KIF26B: variants seen among roughly 807,000 people sequenced by gnomAD.
The protein encoded by KIF26B is kinesin-like protein KIF26B.
In KIF26B, 63 loss-of-function variants were observed where a neutral mutation model predicts 151.2. The ratio of observed to expected loss-of-function variants is 0.42; its 90% CI spans 0.34 to 0.51. The LOEUF (loss-of-function observed/expected upper bound fraction) is 0.51, where lower values mean the gene tolerates loss of function less well. Ranked by LOEUF, KIF26B falls within the 20% of genes least tolerant of loss-of-function variation. KIF26B has a pLI of 0.07. For missense variants in KIF26B, 2,813 were observed against 2,913.6 expected (o/e 0.97, Z 0.79); for synonymous variants, 1,357 against 1,262.1 (o/e 1.08, Z -1.59).
intron 4 of KIF26B, among the ~76,000 whole-genome samples, chr1:245,498,804 G>A (rs954834657): frequency 3.9e-4 from 59 of 152,164 alleles, no homozygotes; most frequent in Non-Finnish European, 7.2e-4. Context: ...AGGTACTGGG[G>A]AAAAGAGGAG....
chr1:245,659,031 A>G (rs763797047), intron 10 of KIF26B, among the ~76,000 whole-genome samples: 22 of 152,004 alleles, frequency 1.4e-4, no homozygotes, highest in Non-Finnish European at 2.8e-4. Flanking sequence ...CAAGTTCAAG[A>G]CCAGCCTGGG....
rs751617077 is a variant in KIF26B at position 245,685,913 on chromosome 1, C to A, written c.2930C>A (p.Ser977Tyr). Reference protein sequence around the residue: ...QAAGASPLSESDKEDNGSEGQ... With the variant: ...QAAGASPLSEYDKEDNGSEGQ... Reference sequence around the variant, plus strand: ...GCGGGGGCAAGCCCACTCTCTGAGTCTGATAAGGAAGATAATGGGTCCGAA... The same window carrying A: ...GCGGGGGCAAGCCCACTCTCTGAGTATGATAAGGAAGATAATGGGTCCGAA... The change falls in exon 12 of 15, where the codon TCT becomes TAT. Residue 977 changes from serine (S) to tyrosine (Y), a missense_variant. Coordinates refer to ENST00000407071, the MANE Select transcript of KIF26B (RefSeq NM_018012.4). 1.2e-6 allele frequency: 2 copies of A among 1,613,070 alleles called. No homozygotes were observed. The highest frequency in any genetic ancestry group is 2.2e-5 in the South Asian group (2 of 90,910).
chr1:245,254,559 C>A (rs891034622), intron 2 of KIF26B, among the ~76,000 whole-genome samples: 10 of 152,106 alleles, frequency 6.6e-5, no homozygotes, highest in Non-Finnish European at 1.3e-4. Context: ...CTGAGCAGTT[C>A]CTATTGAAAG....
Position 245,344,423 on chromosome 1 carries a change from G to C in KIF26B, c.466-22411G>C, listed in dbSNP as rs892873151. Among the ~76,000 whole-genome samples the C allele has an allele frequency of 9.4e-5, 14 of 149,258 alleles. 1 individual carries two copies. Among genetic ancestry groups the C allele is most frequent in the Admixed American group, 1.3e-4 (2 of 15,134 alleles). Reference sequence around the variant, plus strand: ...GGCAGGAGAGTGGCGTGAACCCGGAGGGCGGAGCCTGCAGTGAGCCGAGAT... The same window carrying C: ...GGCAGGAGAGTGGCGTGAACCCGGACGGCGGAGCCTGCAGTGAGCCGAGAT... On this transcript the variant is annotated intron_variant, in intron 2 of 14. Transcript: ENST00000407071.
chr1:245,222,546 T>A (rs1285130653), intron 2 of KIF26B, among the ~76,000 whole-genome samples: 1 of 152,200 alleles, frequency 6.6e-6, no homozygotes, highest in Non-Finnish European at 1.5e-5. Flanking sequence ...GGTGAATTTT[T>A]ATCTAATCTC....
chr1:245,295,543 G>A (rs936609908), intron 2 of KIF26B, among the ~76,000 whole-genome samples: 1 of 152,174 alleles, frequency 6.6e-6, no homozygotes, highest in South Asian at 2.1e-4. Context: ...GGTCTCATTT[G>A]ATTTCACATT....
intron 2 of KIF26B, among the ~76,000 whole-genome samples, chr1:245,340,025 G>T (rs1324897239): frequency 6.6e-6 from 1 of 152,210 alleles, no homozygotes; most frequent in Non-Finnish European, 1.5e-5. Context: ...CTGGCTGGAA[G>T]GTATGAGGAG....
chr1:245,331,750 G>A (rs1170104330), intron 2 of KIF26B, among the ~76,000 whole-genome samples: 2 of 152,186 alleles, frequency 1.3e-5, no homozygotes, highest in African/African-American at 4.8e-5. Context: ...ATAAGACAAT[G>A]TACAAAATGT....
chr1:245,295,994 C>G (rs1309394396), intron 2 of KIF26B, among the ~76,000 whole-genome samples: 1 of 152,180 alleles, frequency 6.6e-6, no homozygotes, highest in African/African-American at 2.4e-5. Context: ...CATTATTCAT[C>G]TTTGTACCTC....
At chr1:245,447,511 C>T (rs1341635259) in intron 4 of KIF26B, among the ~76,000 whole-genome samples, 1 of 152,104 alleles carries the variant, frequency 6.6e-6, no homozygotes, top group Admixed American at 6.5e-5. Context: ...GCTCCATCCT[C>T]ATGAATAGGA....
At chr1:245,200,994 C>G (rs1669291459) in intron 2 of KIF26B, among the ~76,000 whole-genome samples, 1 of 152,100 alleles carries the variant, frequency 6.6e-6, no homozygotes, top group Non-Finnish European at 1.5e-5. Flanking sequence ...AAGCCCACAC[C>G]CTGTGCCCAG....
At chr1:245,414,611 A>G (rs1674373036) in intron 3 of KIF26B, among the ~76,000 whole-genome samples, 2 of 152,200 alleles carry the variant, frequency 1.3e-5, no homozygotes, top group African/African-American at 4.8e-5. Context: ...ATGGGAACTG[A>G]GAAAGGGAAT....
intron 9 of KIF26B, among the ~76,000 whole-genome samples, chr1:245,623,103 A>G (rs1020245557): frequency 7.0e-6 from 1 of 143,786 alleles, no homozygotes; most frequent in African/African-American, 2.6e-5. Context: ...AATAAACTGT[A>G]CATATTAAAT....
At chr1:245,161,192 A>G (rs1668524912) in intron 2 of KIF26B, among the ~76,000 whole-genome samples, 1 of 152,214 alleles carries the variant, frequency 6.6e-6, no homozygotes, top group Admixed American at 6.5e-5. Flanking sequence ...TCATTTGAAA[A>G]TTTCTGAAAC....
At chr1:245,595,800 T>TC (rs1333919409) in intron 5 of KIF26B, among the ~76,000 whole-genome samples, 4 of 152,008 alleles carry the variant, frequency 2.6e-5, no homozygotes, top group African/African-American at 9.7e-5. Flanking sequence ...CTGGGCTTTT[T>TC]TTGGTTGGTA....
intron 2 of KIF26B, among the ~76,000 whole-genome samples, chr1:245,295,764 C>T (rs978574230): frequency 6.6e-6 from 1 of 152,136 alleles, no homozygotes; most frequent in Admixed American, 6.6e-5. Flanking sequence ...CCTGTAAGTC[C>T]ATTTAGAAAA....
chr1:245,609,200 T>C (rs2043490999), intron 7 of KIF26B, 66 bp from the exon 8 acceptor site: 2 of 1,442,330 alleles, frequency 1.4e-6, no homozygotes, highest in Admixed American at 4.8e-5. Context: ...GGCATCTATT[T>C]TGGAGACTCC....
chr1:245,682,159 C>A (rs2044448278), intron 10 of KIF26B, among the ~76,000 whole-genome samples: 2 of 152,132 alleles, frequency 1.3e-5, no homozygotes, highest in South Asian at 4.1e-4. Flanking sequence ...GCGGGAGAAT[C>A]CCCTGAACCT....
intron 5 of KIF26B, among the ~76,000 whole-genome samples, chr1:245,566,942 T>G (rs549797744): frequency 3.9e-5 from 4 of 103,034 alleles, no homozygotes; most frequent in African/African-American, 4.1e-5. Context: ...AATTAATAAA[T>G]ACATGAATAA....
Sources: gnomAD v4.1 joint callset for allele counts (sites outside exome capture counted in the v4.1 genomes callset) on GRCh38, gnomAD v4.1.1 for gene constraint, MANE v1.5 for transcripts, NCBI Gene and HGNC (gene_info 2026-07-23, HGNC 2026-07-21) for gene names.